ADAMTS3: variants seen among roughly 807,000 people sequenced by gnomAD.
ADAMTS3 encodes the protein A disintegrin and metalloproteinase with thrombospondin motifs 3.
ADAMTS3 carries 73 observed loss-of-function variants against 129.0 expected under a neutral mutation model. That is an observed-to-expected ratio of 0.57 (90% CI 0.47 to 0.69). The LOEUF (loss-of-function observed/expected upper bound fraction) is 0.69, where lower values mean the gene tolerates loss of function less well. Ranked by LOEUF, ADAMTS3 falls within the 30% of genes least tolerant of loss-of-function variation. The pLI is 0.00. For synonymous variants in ADAMTS3, 477 were observed against 510.8 expected (o/e 0.93, Z 0.89); for missense variants, 1,457 against 1,514.5 (o/e 0.96, Z 0.63).
intron 3 of ADAMTS3, among the ~76,000 whole-genome samples, chr4:72,489,012 TA>T (rs1221331938): frequency 6.6e-6 from 1 of 152,008 alleles, no homozygotes; most frequent in African/African-American, 2.4e-5. Flanking sequence ...ATTCCACATA[TA>T]AGTGAGATCA....
chr4:72,500,333 A>T (rs1214989916), intron 3 of ADAMTS3, among the ~76,000 whole-genome samples: 1 of 151,952 alleles, frequency 6.6e-6, no homozygotes, highest in East Asian at 1.9e-4. Flanking sequence ...GTGAGATGGT[A>T]TTTCCTTGTG....
intron 19 of ADAMTS3, among the ~76,000 whole-genome samples, chr4:72,293,980 C>A: frequency 6.6e-6 from 1 of 151,660 alleles, no homozygotes; most frequent in East Asian, 1.9e-4. Context: ...CAACAATGGA[C>A]AATAGGAGAG....
chr4:72,320,918 G>C, intron 6 of ADAMTS3, 48 bp from the exon 7 acceptor site: 1 of 1,560,964 alleles, frequency 6.4e-7, no homozygotes, highest in Non-Finnish European at 8.7e-7. Flanking sequence ...TTTCCCAAAG[G>C]CTTCGTTTGA....
chr4:72,475,801 T>C (rs960560950), intron 3 of ADAMTS3, among the ~76,000 whole-genome samples: 1 of 151,882 alleles, frequency 6.6e-6, no homozygotes, highest in Non-Finnish European at 1.5e-5. Context: ...ACTAAGTATG[T>C]TCTCTGACTA....
intron 3 of ADAMTS3, among the ~76,000 whole-genome samples, chr4:72,530,684 A>G (rs1279530296): frequency 2.3e-5 from 2 of 87,890 alleles, no homozygotes; most frequent in African/African-American, 9.1e-5. Context: ...AATATGTATA[A>G]TATATATTGT....
chr4:72,305,869 T>C (rs1233315812), intron 16 of ADAMTS3, 118 bp downstream of exon 16: 13 of 846,628 alleles, frequency 1.5e-5, no homozygotes, highest in South Asian at 3.0e-5. Context: ...TGCACATGTA[T>C]GTACATATAC....
intron 2 of ADAMTS3, among the ~76,000 whole-genome samples, chr4:72,550,323 T>C (rs1721615437): frequency 6.6e-6 from 1 of 152,072 alleles, no homozygotes; most frequent in South Asian, 2.1e-4. Flanking sequence ...CTTATGCTCA[T>C]AAAGTATCCT....
chr4:72,564,761 C>G (rs988668026), intron 2 of ADAMTS3, among the ~76,000 whole-genome samples: 6 of 152,170 alleles, frequency 3.9e-5, no homozygotes, highest in African/African-American at 1.4e-4. Flanking sequence ...GTCCCCATCA[C>G]AAACTGCCTT....
At chr4:72,423,684 T>C (rs904663959) in intron 3 of ADAMTS3, among the ~76,000 whole-genome samples, 3 of 152,118 alleles carry the variant, frequency 2.0e-5, no homozygotes, top group African/African-American at 4.8e-5. Flanking sequence ...TTCCTGAATT[T>C]CAGGCAACAT....
rs113795116 is a variant in ADAMTS3, at chr4:72,316,651, G to A, written c.1486-680C>T. On this transcript the variant is annotated intron_variant, in intron 10 of 21. Transcript: ENST00000286657. ...TGCAGTGAGCCGAGATCAAGCCACT[G>A]TACCCTCCAGCCTGAGTGACAACAG... Among the ~76,000 whole-genome samples the A allele has an allele frequency of 1.3e-4, 19 of 151,872 alleles. 1 individual carries two copies. Among genetic ancestry groups the A allele is most frequent in the African/African-American group, 4.1e-4 (17 of 41,446 alleles).
intron 3 of ADAMTS3, among the ~76,000 whole-genome samples, chr4:72,478,730 T>C (rs1719322027): frequency 6.6e-6 from 1 of 151,802 alleles, no homozygotes; most frequent in Non-Finnish European, 1.5e-5. Flanking sequence ...GGGTATTCAA[T>C]TAGGAAAAGA....
chr4:72,390,898 A>G (rs1306050101), intron 4 of ADAMTS3, among the ~76,000 whole-genome samples: 1 of 151,944 alleles, frequency 6.6e-6, no homozygotes, highest in Non-Finnish European at 1.5e-5. Flanking sequence ...AAAATTAAAA[A>G]AAAAAAAAAA....
At chr4:72,383,637 G>A (rs1721358373) in intron 4 of ADAMTS3, among the ~76,000 whole-genome samples, 1 of 152,178 alleles carries the variant, frequency 6.6e-6, no homozygotes, top group Non-Finnish European at 1.5e-5. Context: ...AAGGAATGCA[G>A]AGGGGTTACA....
At position 72,514,947 on chromosome 4, in the gene ADAMTS3, G is replaced by T. The variant is rs546566288; in HGVS notation, c.504+33531C>A. 3.3e-5 allele frequency among the ~76,000 whole-genome samples: 5 copies of T among 151,944 alleles called. No individual in the cohort carries two copies. In the East Asian group the frequency reaches 5.8e-4, roughly 18 times the overall value. ...TGTGCTGCACCCATTAACTCGTCATGTAGCATTAGGTATATCTCCTAATAC... is the reference window on the plus strand; with the variant it reads ...TGTGCTGCACCCATTAACTCGTCATTTAGCATTAGGTATATCTCCTAATAC... On this transcript the variant is annotated intron_variant, in intron 3 of 21. Coordinates refer to ENST00000286657, the MANE Select transcript of ADAMTS3 (RefSeq NM_014243.3).
chr4:72,377,800 CT>C (rs1202584404), intron 4 of ADAMTS3, among the ~76,000 whole-genome samples: 53 of 152,066 alleles, frequency 3.5e-4, no homozygotes, highest in Admixed American at 3.4e-3. Context: ...TCTATTTGTG[CT>C]CAGAAAAAGG....
chr4:72,528,548 G>A (rs1425871126), intron 3 of ADAMTS3, among the ~76,000 whole-genome samples: 1 of 149,862 alleles, frequency 6.7e-6, no homozygotes, highest in African/African-American at 2.5e-5. Flanking sequence ...AACAGATGCT[G>A]CTTCTCCTTC....
At chr4:72,291,558 T>C (rs1718668928) in intron 19 of ADAMTS3, among the ~76,000 whole-genome samples, 1 of 151,916 alleles carries the variant, frequency 6.6e-6, no homozygotes, top group Admixed American at 6.6e-5. Flanking sequence ...ATTTCATCCA[T>C]GTCCCTACAA....
intron 3 of ADAMTS3, among the ~76,000 whole-genome samples, chr4:72,501,941 C>G (rs1267267280): frequency 1.3e-5 from 1 of 79,776 alleles, no homozygotes; most frequent in African/African-American, 3.5e-5. Context: ...TTGAACAAAC[C>G]TCGCATCCCA....
At chr4:72,517,721 C>T (rs570632076) in intron 3 of ADAMTS3, among the ~76,000 whole-genome samples, 37,876 of 150,866 alleles carry the variant, frequency 0.25, 4,775 homozygotes, top group Middle Eastern at 0.33. Context: ...TTTGATTCTT[C>T]TCTCTTTTTT....
Sources: allele counts gnomAD v4.1 joint callset (sites outside exome capture counted in the v4.1 genomes callset), GRCh38; gene constraint gnomAD v4.1.1; transcripts MANE v1.5; gene names NCBI Gene and HGNC (gene_info 2026-07-23, HGNC 2026-07-21).